IL1RAPL1: variants seen among roughly 807,000 people sequenced by gnomAD.
The protein encoded by IL1RAPL1 is interleukin 1 receptor accessory protein like 1.
In IL1RAPL1, 3 loss-of-function variants were observed where a neutral mutation model predicts 48.4. The observed-to-expected ratio is 0.06, with a 90% CI of 0.03 to 0.16. The LOEUF (loss-of-function observed/expected upper bound fraction) is 0.16, where lower values mean the gene tolerates loss of function less well. Among genes scored for constraint, IL1RAPL1 ranks in the 10% least tolerant of loss-of-function variants. IL1RAPL1 has a pLI of 1.00. For synonymous variants in IL1RAPL1, 185 were observed against 187.7 expected, an observed-to-expected ratio of 0.99 and a Z score of 0.12; for missense variants, 349 against 530.6, an observed-to-expected ratio of 0.66 and a Z score of 3.36.
chrX:28,963,548 T>G (rs1924843638), intron 2 of IL1RAPL1, among the ~76,000 whole-genome samples: 1 of 111,348 alleles, frequency 9.0e-6, no homozygotes. Context: ...ATATATTCTT[T>G]TATGCTGCAA....
At chrX:29,387,174 A>G (rs1602208717) in intron 3 of IL1RAPL1, among the ~76,000 whole-genome samples, 1 of 112,209 alleles carries the variant, frequency 8.9e-6, no homozygotes, top group African/African-American at 3.2e-5. Flanking sequence ...AGCATCAAGC[A>G]GGTGCTATGA....
intron 5 of IL1RAPL1, among the ~76,000 whole-genome samples, chrX:29,608,152 C>G (rs901577117): frequency 1.8e-5 from 2 of 111,911 alleles, no homozygotes; most frequent in Admixed American, 1.9e-4. Context: ...CACATGATGT[C>G]TCTTCCATCA....
intron 2 of IL1RAPL1, among the ~76,000 whole-genome samples, chrX:29,247,817 G>C (rs748530791): frequency 2.5e-4 from 28 of 111,240 alleles, no homozygotes; most frequent in Non-Finnish European, 3.8e-4. Context: ...TAAAGTGAAG[G>C]CATGCAAAAT....
chrX:29,077,937 G>T (rs1927715906), intron 2 of IL1RAPL1, among the ~76,000 whole-genome samples: 1 of 111,512 alleles, frequency 9.0e-6, no homozygotes, highest in South Asian at 3.8e-4. Flanking sequence ...AGAGCATCTT[G>T]ATAAAGAAGA....
chrX:29,147,991 G>C (rs771109243), intron 2 of IL1RAPL1, among the ~76,000 whole-genome samples: 1 of 111,499 alleles, frequency 9.0e-6, no homozygotes, highest in South Asian at 3.7e-4. Context: ...TTTTTATAAT[G>C]CTATTCAATT....
At chrX:29,386,318 G>A (rs1205168171) in intron 3 of IL1RAPL1, among the ~76,000 whole-genome samples, 4 of 110,973 alleles carry the variant, frequency 3.6e-5, no homozygotes, top group South Asian at 3.8e-4. Flanking sequence ...GTGAGCCACC[G>A]TTCCTGGCCT....
chrX:28,721,577 G>A (rs1415823727), intron 1 of IL1RAPL1, among the ~76,000 whole-genome samples: 21 of 108,858 alleles, frequency 1.9e-4, no homozygotes, highest in Non-Finnish European at 3.8e-4. Flanking sequence ...TTCTTTTGCT[G>A]TGCAGAAGCT....
chrX:29,334,207 C>T (rs1932938719), intron 3 of IL1RAPL1, among the ~76,000 whole-genome samples: 1 of 78,555 alleles, frequency 1.3e-5, no homozygotes, highest in Non-Finnish European at 2.5e-5. Context: ...GGCTGACCCC[C>T]CCACCTCCCT....
At position 29,802,796 on chromosome X, in the gene IL1RAPL1, T is replaced by C. The variant is rs1336963786; in HGVS notation, c.779-114668T>C. On this transcript the variant is annotated intron_variant, in intron 6 of 10. Coordinates refer to ENST00000378993, the MANE Select transcript of IL1RAPL1 (RefSeq NM_014271.4). ...ATATATATATATGTGTGTGTGTATA[T>C]ATATATATATATATGTGTGTATATA... Among the ~76,000 whole-genome samples the C allele has an allele frequency of 1.1e-3, 65 of 57,278 alleles. 1 individual carries two copies. Among genetic ancestry groups the C allele is most frequent in the African/African-American group, 9.0e-3 (62 of 6,862 alleles). 49.7% of individuals were successfully genotyped at this position (57,278 alleles called of 115,157 possible).
intron 2 of IL1RAPL1, among the ~76,000 whole-genome samples, chrX:28,853,493 G>A (rs1272613940): frequency 1.6e-4 from 17 of 107,087 alleles, no homozygotes; most frequent in Non-Finnish European, 2.5e-4. Flanking sequence ...GTGTGCGCGC[G>A]CACACACACA....
At chrX:29,058,380 TA>T (rs1014678206) in intron 2 of IL1RAPL1, among the ~76,000 whole-genome samples, 4 of 109,547 alleles carry the variant, frequency 3.7e-5, no homozygotes, top group Admixed American at 9.7e-5. Flanking sequence ...CATCTTAAAA[TA>T]AAAAAAAGGG....
At chrX:29,237,314 G>A (rs1285216977) in intron 2 of IL1RAPL1, among the ~76,000 whole-genome samples, 1 of 111,903 alleles carries the variant, frequency 8.9e-6, no homozygotes, top group Non-Finnish European at 1.9e-5. Flanking sequence ...CTCTGCTAAT[G>A]GGAAAACAAC....
intron 5 of IL1RAPL1, among the ~76,000 whole-genome samples, chrX:29,646,730 A>C (rs1422849612): frequency 1.8e-5 from 2 of 111,159 alleles, no homozygotes; most frequent in East Asian, 5.6e-4. Context: ...AAAGAAAATA[A>C]AGGGAGTTTC....
rs1471294191 is a variant in IL1RAPL1, at chrX:29,210,348, G to A, written c.83-72590G>A. On this transcript the variant is annotated intron_variant, in intron 2 of 10. Transcript: ENST00000378993. Reference sequence around the variant, plus strand: ...AAGTTGGCATAATATAAATCGTGACGCTCTTCTGATAGAATGTGTCATCAC... The same window carrying A: ...AAGTTGGCATAATATAAATCGTGACACTCTTCTGATAGAATGTGTCATCAC... Among the ~76,000 whole-genome samples the A allele has an allele frequency of 3.6e-5, 4 of 111,841 alleles. No individual in the cohort carries two copies. The East Asian group carries it at 8.4e-4, about 24-fold the overall frequency.
chrX:28,746,844 G>C (rs1935984596), intron 1 of IL1RAPL1, among the ~76,000 whole-genome samples: 1 of 111,368 alleles, frequency 9.0e-6, no homozygotes, highest in African/African-American at 3.3e-5. Context: ...ATAAACTTCA[G>C]TTCATATGTC....
chrX:28,587,625 C>T lies in IL1RAPL1; in HGVS notation c.-447C>T, dbSNP rs1601825971. On this transcript the variant is annotated 5_prime_UTR_variant, in exon 1 of 11. Coordinates refer to ENST00000378993, the MANE Select transcript of IL1RAPL1 (RefSeq NM_014271.4). ...ACACTCCAATTCTTGTCATAGAGCT[C>T]GCAGACTTCTCACTTATCGGCTTTT... The T allele has an allele frequency of 9.0e-6, 1 of 111,012 alleles. No individual in the cohort carries two copies. Among genetic ancestry groups the T allele is most frequent in the Non-Finnish European group, 1.9e-5 (1 of 52,971 alleles). 9.1% of individuals were successfully genotyped at this position (111,012 alleles called of 1,213,427 possible).
chrX:29,217,816 CA>C (rs1177784753), intron 2 of IL1RAPL1, among the ~76,000 whole-genome samples: 1 of 107,795 alleles, frequency 9.3e-6, no homozygotes, highest in Non-Finnish European at 1.9e-5. Context: ...CACACACACA[CA>C]CTTACTTGTA....
chrX:28,797,248 T>A (rs1488532838), intron 2 of IL1RAPL1, among the ~76,000 whole-genome samples: 2 of 111,450 alleles, frequency 1.8e-5, no homozygotes, highest in Non-Finnish European at 3.8e-5. Context: ...GGAGACATTT[T>A]CCCCACTGTC....
chrX:29,457,813 A>G lies in IL1RAPL1; in HGVS notation c.703+58505A>G, dbSNP rs141356253. Among the ~76,000 whole-genome samples the G allele has an allele frequency of 5.6e-3, 633 of 112,511 alleles. 3 individuals are homozygous for G. Among genetic ancestry groups the G allele is most frequent in the African/African-American group, 0.018 (551 of 30,993 alleles). ...GCTGAACTATTTTACATTCCCACCAACAGTGTATAAACATTCTCTTTTCTC... is the reference window on the plus strand; with the variant it reads ...GCTGAACTATTTTACATTCCCACCAGCAGTGTATAAACATTCTCTTTTCTC... On this transcript the variant is annotated intron_variant, in intron 5 of 10. Transcript: ENST00000378993.
Sources: allele counts gnomAD v4.1 joint callset (sites outside exome capture counted in the v4.1 genomes callset), GRCh38; gene constraint gnomAD v4.1.1; transcripts MANE v1.5; gene names NCBI Gene and HGNC (gene_info 2026-07-23, HGNC 2026-07-21).